The following SGMS2 variants were observed in gnomAD, a reference collection of about 807,000 sequenced individuals.
SGMS2 encodes phosphatidylcholine:ceramide cholinephosphotransferase 2.
SGMS2 carries 21 observed loss-of-function variants against 43.8 expected under a neutral mutation model. The ratio of observed to expected loss-of-function variants is 0.48; its 90% confidence interval spans 0.34 to 0.69. The LOEUF (loss-of-function observed/expected upper bound fraction) is 0.69, where lower values mean the gene tolerates loss of function less well. Ranked by LOEUF, SGMS2 falls within the 30% of genes least tolerant of loss-of-function variation. The pLI, the probability that SGMS2 is intolerant of heterozygous loss-of-function variation, is 0.01. For missense variants in SGMS2, 384 were observed against 443.2 expected (o/e 0.87, Z 1.20); for synonymous variants, 167 against 160.6 (o/e 1.04, Z -0.30).
chr4:107,910,778 CCCCCA>C lies in SGMS2; in HGVS notation c.*230_*234del. 1 of 506,070 alleles carries C rather than the reference CCCCCA, an allele frequency of 2.0e-6. No homozygotes were observed. The highest frequency in any genetic ancestry group is 3.3e-5 in the East Asian group (1 of 30,318). The allele number at this position is 506,070 out of a possible 1,614,324, so 31.3% of individuals were successfully genotyped here. ...CAGCTCTTCATTCATTGGTGACAAG[CCCCCA>C]CCCCGGGACTTTACTAATGAGCTTG... is the stretch of plus-strand genomic sequence containing the variant. On this transcript the variant is annotated 3_prime_UTR_variant, in exon 7 of 7. Transcript: ENST00000690982.
chr4:107,879,513 G>A (rs552502596), intron 2 of SGMS2, among the ~76,000 whole-genome samples: 2 of 151,638 alleles, frequency 1.3e-5, no homozygotes, highest in Non-Finnish European at 2.9e-5. Context: ...CCAGGCTAGA[G>A]TGCGGTGGCA....
At position 107,905,247 on chromosome 4, in the gene SGMS2, G is replaced by A. The variant is rs192144010; in HGVS notation, c.727+1861G>A. On this transcript the variant is annotated intron_variant, in intron 5 of 6. Coordinates refer to ENST00000690982, the MANE Select transcript of SGMS2 (RefSeq NM_001375905.1). ...AGGCATGTTTTACATGGCAGCAGACGAGAAAATGAGAACGAAGCAAAAGGG... is the reference window on the plus strand; with the variant it reads ...AGGCATGTTTTACATGGCAGCAGACAAGAAAATGAGAACGAAGCAAAAGGG... Among the ~76,000 whole-genome samples the A allele has an allele frequency of 1.9e-4, 29 of 152,256 alleles. No individual in the cohort carries two copies. In the East Asian group the frequency reaches 5.4e-3, roughly 28 times the overall value.
rs1217332465 is a variant in SGMS2 at position 107,911,660 on chromosome 4, T to C, written c.*1107T>C. The C allele has an allele frequency of 1.3e-5, 2 of 152,254 alleles. No individual in the cohort carries two copies. Among genetic ancestry groups the C allele is most frequent in the Non-Finnish European group, 2.9e-5 (2 of 68,038 alleles). The allele number at this position is 152,254 out of a possible 1,614,324, so 9.4% of individuals were successfully genotyped here. On this transcript the variant is annotated 3_prime_UTR_variant, in exon 7 of 7. Transcript: ENST00000690982. The stretch of plus-strand genomic sequence containing the variant: ...TCTTATAACTAGTCCTAAGGACATA[T>C]GCCGCAATTGAGTAATTTTACTTTT...
At chr4:107,865,349 C>T (rs1342891815) in intron 2 of SGMS2, among the ~76,000 whole-genome samples, 1 of 152,118 alleles carries the variant, frequency 6.6e-6, no homozygotes, top group African/African-American at 2.4e-5. Context: ...AATTGTCTAC[C>T]TTTAAACATT....
At chr4:107,892,594 G>T (rs367868198) in intron 2 of SGMS2, among the ~76,000 whole-genome samples, 12 of 152,226 alleles carry the variant, frequency 7.9e-5, no homozygotes, top group African/African-American at 2.9e-4. Flanking sequence ...GCACAGTTTG[G>T]TTTCATACAT....
intron 6 of SGMS2, among the ~76,000 whole-genome samples, chr4:107,910,121 G>A (rs147475009): frequency 4.7e-4 from 71 of 152,144 alleles, no homozygotes; most frequent in Admixed American, 1.3e-3. Context: ...ATTCTTACTG[G>A]AATTGCAGGC....
intron 1 of SGMS2, among the ~76,000 whole-genome samples, chr4:107,848,858 T>A (rs1726979711): frequency 6.6e-6 from 1 of 152,194 alleles, no homozygotes; most frequent in African/African-American, 2.4e-5. Flanking sequence ...ACTTGTCTTT[T>A]TCTTAACAGT....
intron 1 of SGMS2, among the ~76,000 whole-genome samples, chr4:107,828,426 T>G (rs1208159843): frequency 1.3e-5 from 2 of 152,224 alleles, no homozygotes; most frequent in Non-Finnish European, 1.5e-5. Flanking sequence ...AATTTATCTC[T>G]ACAAAAATGG....
intron 2 of SGMS2, among the ~76,000 whole-genome samples, chr4:107,878,861 A>T (rs1336184835): frequency 6.6e-6 from 1 of 152,208 alleles, no homozygotes; most frequent in East Asian, 1.9e-4. Context: ...CAGATTTTAA[A>T]ATATCCTGTG....
intron 1 of SGMS2, among the ~76,000 whole-genome samples, chr4:107,837,599 C>T (rs1044963007): frequency 5.3e-5 from 8 of 152,034 alleles, no homozygotes. Flanking sequence ...CCAAATGCCA[C>T]GAGAAGGCAT....
At chr4:107,874,454 C>G (rs1275837472) in intron 2 of SGMS2, among the ~76,000 whole-genome samples, 1 of 152,170 alleles carries the variant, frequency 6.6e-6, no homozygotes, top group African/African-American at 2.4e-5. Context: ...TGCTCTAGAG[C>G]TAGCAACATA....
Position 107,846,866 on chromosome 4 carries a change from AT to A in SGMS2, c.-326-11605del, listed in dbSNP as rs1485383543. Among the ~76,000 whole-genome samples the A allele has an allele frequency of 2.7e-5, 4 of 150,490 alleles. No individual in the cohort carries two copies. The East Asian group carries it at 7.8e-4, about 29-fold the overall frequency. On this transcript the variant is annotated intron_variant, in intron 1 of 6. Coordinates refer to ENST00000690982, the MANE Select transcript of SGMS2 (RefSeq NM_001375905.1). Reference sequence around the variant, plus strand: ...ATTTGCATTTCTCTGATGGCCAGTGATGATGAGCATTTTTTCATGTGTCTTT... The same window carrying A: ...ATTTGCATTTCTCTGATGGCCAGTGAGATGAGCATTTTTTCATGTGTCTTT...
At chr4:107,857,010 G>C (rs569863667) in intron 1 of SGMS2, among the ~76,000 whole-genome samples, 1 of 152,220 alleles carries the variant, frequency 6.6e-6, no homozygotes, top group South Asian at 2.1e-4. Flanking sequence ...ATACCCATTA[G>C]CATTCACTTT....
At chr4:107,834,237 C>A (rs974791081) in intron 1 of SGMS2, among the ~76,000 whole-genome samples, 1 of 152,232 alleles carries the variant, frequency 6.6e-6, no homozygotes. Context: ...GCAAGGTTTA[C>A]ATTTTGACGG....
chr4:107,881,851 AGTG>A (rs1232119892), intron 2 of SGMS2, among the ~76,000 whole-genome samples: 1 of 152,178 alleles, frequency 6.6e-6, no homozygotes, highest in East Asian at 1.9e-4. Flanking sequence ...CCCACAAATG[AGTG>A]GGAACACATG....
chr4:107,906,802 A>T (rs1358840982), intron 5 of SGMS2, among the ~76,000 whole-genome samples: 1 of 152,190 alleles, frequency 6.6e-6, no homozygotes, highest in Admixed American at 6.5e-5. Flanking sequence ...GATTCAGGCC[A>T]CCTCTGGACC....
intron 1 of SGMS2, among the ~76,000 whole-genome samples, chr4:107,852,908 A>G (rs1271199759): frequency 2.0e-5 from 3 of 152,178 alleles, no homozygotes; most frequent in African/African-American, 7.2e-5. Flanking sequence ...AGTCAATTTA[A>G]TATGTAGAAA....
At chr4:107,837,079 A>C (rs961764704) in intron 1 of SGMS2, among the ~76,000 whole-genome samples, 1 of 152,208 alleles carries the variant, frequency 6.6e-6, no homozygotes, top group African/African-American at 2.4e-5. Context: ...GCCCTCCTCC[A>C]TTCCTTTGGA....
intron 1 of SGMS2, among the ~76,000 whole-genome samples, chr4:107,836,351 T>G (rs1446040702): frequency 6.6e-6 from 1 of 152,234 alleles, no homozygotes; most frequent in Non-Finnish European, 1.5e-5. Flanking sequence ...AATTATATCA[T>G]GGAGTTACTC....
Sources: allele counts gnomAD v4.1 joint callset (sites outside exome capture counted in the v4.1 genomes callset), GRCh38; gene constraint gnomAD v4.1.1; transcripts MANE v1.5; gene names NCBI Gene and HGNC (gene_info 2026-07-23, HGNC 2026-07-21).